Variants in ADGRL2 observed in about 807,000 individuals in gnomAD.
The protein encoded by ADGRL2 is adhesion G protein-coupled receptor L2, also known as calcium-independent alpha-latrotoxin receptor 2.
A neutral mutation model predicts 157.4 loss-of-function variants in ADGRL2; 44 were observed. The ratio of observed to expected loss-of-function variants is 0.28; its 90% CI spans 0.22 to 0.36. The LOEUF is 0.36. Among genes scored for constraint, ADGRL2 ranks in the 10% least tolerant of loss-of-function variants. The pLI, the probability that ADGRL2 is intolerant of heterozygous loss-of-function variation, is 1.00. For missense variants in ADGRL2, 1,510 were observed against 1,768.9 expected (o/e 0.85, Z 2.63); for synonymous variants, 585 against 624.7 (o/e 0.94, Z 0.95).
At chr1:81,800,871 C>T (rs867875729), upstream of ADGRL2, among the ~76,000 whole-genome samples, 350 of 149,040 alleles carry the variant, frequency 2.3e-3, 1 homozygote, top group Middle Eastern at 6.8e-3. Context: ...CGCGAACCGA[C>T]TGGGAGGGGA....
At chr1:81,774,507 A>G (rs2086500065) in intron 2 of ADGRL2, among the ~76,000 whole-genome samples, 1 of 152,186 alleles carries the variant, frequency 6.6e-6, no homozygotes, top group African/African-American at 2.4e-5. Context: ...CAGGCTCCTG[A>G]CCATGTCTAT....
chr1:81,487,833 T>C (rs1422065016), intron 2 of ADGRL2, among the ~76,000 whole-genome samples: 2 of 152,314 alleles, frequency 1.3e-5, no homozygotes, highest in East Asian at 3.9e-4. Flanking sequence ...TGTACAAATA[T>C]ATACAAGTAT....
intron 2 of ADGRL2, among the ~76,000 whole-genome samples, chr1:81,903,440 G>A: frequency 6.6e-6 from 1 of 152,038 alleles, no homozygotes; most frequent in Non-Finnish European, 1.5e-5. Flanking sequence ...GATCAGAGAA[G>A]GGTTCTGGAG....
chr1:81,532,435 T>C (rs557830329), intron 2 of ADGRL2, among the ~76,000 whole-genome samples: 1 of 152,162 alleles, frequency 6.6e-6, no homozygotes, highest in Non-Finnish European at 1.5e-5. Context: ...ATTCTCTCAG[T>C]ATCTGCTGAG....
intron 2 of ADGRL2, among the ~76,000 whole-genome samples, chr1:81,861,670 CTTGAGG>C (rs1418232834): frequency 1.3e-5 from 2 of 152,230 alleles, no homozygotes; most frequent in African/African-American, 4.8e-5. Flanking sequence ...AGGTGGATCA[CTTGAGG>C]TCAAGAGTTT....
intron 2 of ADGRL2, among the ~76,000 whole-genome samples, chr1:81,559,606 T>C (rs180923105): frequency 1.3e-4 from 20 of 152,346 alleles, no homozygotes; most frequent in Non-Finnish European, 2.2e-4. Context: ...ATTATTCAAA[T>C]ACTAATTTTC....
intron 3 of ADGRL2, among the ~76,000 whole-genome samples, chr1:81,600,613 A>G (rs2081315906): frequency 6.6e-6 from 1 of 152,238 alleles, no homozygotes; most frequent in Non-Finnish European, 1.5e-5. Flanking sequence ...GACTAATACA[A>G]CATGCTCATT....
chr1:81,911,876 A>ATTTTT lies in ADGRL2; in HGVS notation c.287+4660_287+4664dup, dbSNP rs543340647. Among the ~76,000 whole-genome samples, 33 of 120,716 alleles carry ATTTTT rather than the reference A, an allele frequency of 2.7e-4. No homozygotes were observed. The East Asian group carries it at 6.8e-3, about 25-fold the overall frequency. 79.2% of individuals were successfully genotyped at this position (120,716 alleles called of 152,430 possible). ...GTATAAAATAGGCCCCCTGCCTCCCATTTTTTTTTTTTTTTTTTGCGGGGG... is the reference window on the plus strand; with the variant it reads ...GTATAAAATAGGCCCCCTGCCTCCCATTTTTTTTTTTTTTTTTTTTTTTGCGGGGG... On this transcript the variant is annotated intron_variant, in intron 3 of 23. Transcript: ENST00000686636.
At chr1:81,763,669 G>A (rs2085985628) in intron 2 of ADGRL2, among the ~76,000 whole-genome samples, 1 of 151,706 alleles carries the variant, frequency 6.6e-6, no homozygotes, top group South Asian at 2.1e-4. Flanking sequence ...CAGATCACAA[G>A]TTCAGGAGTT....
intron 2 of ADGRL2, among the ~76,000 whole-genome samples, chr1:81,779,156 G>C (rs1232071042): frequency 1.3e-5 from 2 of 152,084 alleles, no homozygotes; most frequent in African/African-American, 2.4e-5. Context: ...ACAAATCAAA[G>C]TACCTGCATT....
chr1:81,681,504 G>C (rs1396542551), intron 3 of ADGRL2, among the ~76,000 whole-genome samples: 1 of 152,160 alleles, frequency 6.6e-6, no homozygotes, highest in Non-Finnish European at 1.5e-5. Context: ...CTATTTTGAG[G>C]TTACTTATCA....
intron 2 of ADGRL2, among the ~76,000 whole-genome samples, chr1:81,496,354 G>T (rs574379847): frequency 9.2e-5 from 14 of 152,202 alleles, no homozygotes; most frequent in Admixed American, 5.9e-4. Context: ...ACTGCAAGTC[G>T]CTCTTTTTTT....
At chr1:81,984,510 C>G (rs1154816) in intron 19 of ADGRL2, 73 bp from the exon 20 acceptor site, 1 of 1,362,310 alleles carries the variant, frequency 7.3e-7, no homozygotes, top group East Asian at 2.6e-5. Flanking sequence ...GTTGTCTTCA[C>G]TGTTCATTTA....
chr1:81,990,267 T>C, intron 23 of ADGRL2, 124 bp from the exon 24 acceptor site: 1 of 1,501,282 alleles, frequency 6.7e-7, no homozygotes, highest in Non-Finnish European at 8.8e-7. Context: ...CTGGCACTTT[T>C]CAAGTGTTAG....
At chr1:81,859,222 G>T (rs181139390) in intron 2 of ADGRL2, among the ~76,000 whole-genome samples, 5 of 152,108 alleles carry the variant, frequency 3.3e-5, no homozygotes, top group African/African-American at 1.2e-4. Context: ...GTTCTAACAT[G>T]ATTTTGTATA....
intron 1 of ADGRL2, among the ~76,000 whole-genome samples, chr1:81,368,283 T>C (rs765255479): frequency 1.1e-4 from 16 of 152,228 alleles, no homozygotes; most frequent in Non-Finnish European, 1.9e-4. Context: ...TGACCAGTGA[T>C]GTTGATCTTT....
intron 2 of ADGRL2, among the ~76,000 whole-genome samples, chr1:81,881,268 C>T (rs12072059): frequency 0.039 from 5,924 of 152,232 alleles, 406 homozygotes; most frequent in African/African-American, 0.13. Context: ...CTCCACCTCC[C>T]GGGCTCACGC....
chr1:81,529,191 T>C (rs967543699), intron 2 of ADGRL2, among the ~76,000 whole-genome samples: 3 of 152,020 alleles, frequency 2.0e-5, no homozygotes, highest in Non-Finnish European at 2.9e-5. Flanking sequence ...AGGAGGGAAG[T>C]AGGAGCTGTG....
At position 81,991,243 on chromosome 1, in the gene ADGRL2, G is replaced by A; in HGVS notation, c.*98G>A. On this transcript the variant is annotated 3_prime_UTR_variant, in exon 24 of 24. Coordinates refer to ENST00000686636, the MANE Select transcript of ADGRL2 (RefSeq NM_001366006.2). ...TCCCTCAAACTCTGCTTGAAGAGAT[G>A]ACTCTTGACCTGTGGTTCTCTGGTG... The A allele has an allele frequency of 1.8e-6, 2 of 1,139,770 alleles. No homozygotes were observed. Among genetic ancestry groups the A allele is most frequent in the Non-Finnish European group, 1.2e-6 (1 of 804,812 alleles). 70.6% of individuals were successfully genotyped at this position (1,139,770 alleles called of 1,614,324 possible).
Sources: gnomAD v4.1 joint callset for allele counts (sites outside exome capture counted in the v4.1 genomes callset) on GRCh38, gnomAD v4.1.1 for gene constraint, MANE v1.5 for transcripts, NCBI Gene and HGNC (gene_info 2026-07-23, HGNC 2026-07-21) for gene names.